The following RAPGEF4 variants were observed in gnomAD, a reference collection of about 807,000 sequenced individuals.
RAPGEF4 encodes Rap guanine nucleotide exchange factor 4, also known as RAP guanine-nucleotide-exchange factor (GEF) 4.
In RAPGEF4, 66 loss-of-function variants were observed where a neutral mutation model predicts 147.9. That is an observed-to-expected ratio of 0.45 (90% CI 0.37 to 0.55). The LOEUF (loss-of-function observed/expected upper bound fraction) is 0.55, where lower values mean the gene tolerates loss of function less well. Ranked by LOEUF, RAPGEF4 falls within the 20% of genes least tolerant of loss-of-function variation. The probability of loss-of-function intolerance (pLI) is 0.00; values close to 1 mark genes in which losing one functional copy is unlikely to be tolerated. For synonymous variants in RAPGEF4, 419 were observed against 442.7 expected (o/e 0.95, Z 0.67); for missense variants, 1,071 against 1,257.3 (o/e 0.85, Z 2.24).
intron 1 of RAPGEF4, among the ~76,000 whole-genome samples, chr2:172,738,105 ATTTTT>A: frequency 6.6e-6 from 1 of 151,736 alleles, no homozygotes; most frequent in South Asian, 2.1e-4. Context: ...TTATTTATTT[ATTTTT>A]TTTAGGAAAG....
intron 6 of RAPGEF4, among the ~76,000 whole-genome samples, chr2:172,935,788 A>C (rs1686501529): frequency 6.6e-6 from 1 of 152,202 alleles, no homozygotes; most frequent in Non-Finnish European, 1.5e-5. Context: ...GTTTGATCTT[A>C]AGTCTTTTGA....
chr2:172,951,681 G>T (rs893111840), intron 6 of RAPGEF4, among the ~76,000 whole-genome samples: 2 of 152,198 alleles, frequency 1.3e-5, no homozygotes, highest in African/African-American at 2.4e-5. Context: ...CCAGGCAAAA[G>T]GAAGAGAGGG....
At chr2:173,023,973 A>G (rs1190033306) in intron 23 of RAPGEF4, among the ~76,000 whole-genome samples, 13 of 152,176 alleles carry the variant, frequency 8.5e-5, no homozygotes, top group Non-Finnish European at 1.3e-4. Context: ...AGCTTCCCCA[A>G]CTTTTTTTAC....
At chr2:172,810,851 C>G (rs1687955134) in intron 3 of RAPGEF4, among the ~76,000 whole-genome samples, 1 of 152,174 alleles carries the variant, frequency 6.6e-6, no homozygotes, top group South Asian at 2.1e-4. Flanking sequence ...CAATTTAGGA[C>G]CCACGGCCAT....
chr2:172,956,715 C>T (rs1197877396), intron 6 of RAPGEF4, among the ~76,000 whole-genome samples: 1 of 152,138 alleles, frequency 6.6e-6, no homozygotes, highest in East Asian at 1.9e-4. Context: ...CGTGATCTGC[C>T]CGCCTCAGCC....
chr2:172,996,551 A>G lies in RAPGEF4; in HGVS notation c.1576A>G (p.Thr526Ala). The stretch of plus-strand genomic sequence containing the variant: ...CCTTGAGGCAACTTTAAATGAAGCA[A>G]CAGGTATACACATAGAACCGTTTGC... Reference protein sequence around the residue: ...IRLEATLNEATDSVLNDFIMM... With the variant: ...IRLEATLNEAADSVLNDFIMM... The change falls in exon 16 of 31, where the codon ACA becomes GCA. Residue 526 changes from threonine (T) to alanine (A), a missense_variant. Transcript: ENST00000397081. 2 of 1,556,736 alleles carry G rather than the reference A, an allele frequency of 1.3e-6. No individual in the cohort carries two copies. The highest frequency in any genetic ancestry group is 1.7e-6 in the Non-Finnish European group (2 of 1,153,674).
At chr2:172,992,506 G>T (rs1460254118) in intron 15 of RAPGEF4, among the ~76,000 whole-genome samples, 1 of 152,184 alleles carries the variant, frequency 6.6e-6, no homozygotes. Flanking sequence ...CCTTAACCTA[G>T]AAACATCTGA....
At chr2:172,802,233 G>C (rs1687053071) in intron 3 of RAPGEF4, among the ~76,000 whole-genome samples, 1 of 152,164 alleles carries the variant, frequency 6.6e-6, no homozygotes, top group Non-Finnish European at 1.5e-5. Context: ...TATTAGGTAT[G>C]TATATTAGTC....
At chr2:172,965,365 T>A (rs1689717678) in intron 8 of RAPGEF4, 197 bp from the exon 9 acceptor site, 1 of 658,744 alleles carries the variant, frequency 1.5e-6, no homozygotes, top group Non-Finnish European at 2.7e-6. Context: ...AGTTCTCTCA[T>A]GAGCTGAGTG....
At chr2:172,765,173 G>A (rs929650492) in intron 1 of RAPGEF4, among the ~76,000 whole-genome samples, 6 of 152,104 alleles carry the variant, frequency 3.9e-5, no homozygotes, top group South Asian at 2.1e-4. Flanking sequence ...TCTTGCCTCC[G>A]TGTCTGTTTC....
intron 1 of RAPGEF4, among the ~76,000 whole-genome samples, chr2:172,746,005 G>A (rs1434809199): frequency 1.3e-5 from 2 of 152,172 alleles, no homozygotes; most frequent in Non-Finnish European, 2.9e-5. Context: ...AGGAAAGATT[G>A]TAGTATATTT....
chr2:172,955,825 G>A (rs1466591950), intron 6 of RAPGEF4, among the ~76,000 whole-genome samples: 1 of 152,012 alleles, frequency 6.6e-6, no homozygotes, highest in Non-Finnish European at 1.5e-5. Context: ...CGAGTGAGAG[G>A]GCTGGGTGGC....
intron 17 of RAPGEF4, among the ~76,000 whole-genome samples, chr2:173,004,920 CT>C (rs2105825580): frequency 6.6e-6 from 1 of 151,902 alleles, no homozygotes; most frequent in East Asian, 1.9e-4. Context: ...ACTGCATCAT[CT>C]TTTTTTTCTT....
At chr2:172,896,286 T>A (rs1461268258) in intron 4 of RAPGEF4, among the ~76,000 whole-genome samples, 2 of 152,204 alleles carry the variant, frequency 1.3e-5, no homozygotes, top group Non-Finnish European at 2.9e-5. Context: ...AGAAGATTTA[T>A]TTTAATCGGC....
chr2:172,764,504 G>A (rs1696645697), intron 1 of RAPGEF4, among the ~76,000 whole-genome samples: 1 of 152,222 alleles, frequency 6.6e-6, no homozygotes, highest in South Asian at 2.1e-4. Context: ...TCGAAGGAGT[G>A]TAGGTGAGAT....
chr2:173,018,828 G>T (rs1179145364), intron 22 of RAPGEF4, 26 bp downstream of exon 22: 1 of 1,606,458 alleles, frequency 6.2e-7, no homozygotes, highest in Non-Finnish European at 8.5e-7. Context: ...CATATTTTAG[G>T]CTCTGCAAAA....
At chr2:172,883,426 T>A (rs937631325) in intron 4 of RAPGEF4, among the ~76,000 whole-genome samples, 12 of 152,140 alleles carry the variant, frequency 7.9e-5, no homozygotes, top group African/African-American at 2.9e-4. Flanking sequence ...ACACCTCCCA[T>A]TAGGCCCCAC....
rs767574167 is a variant in RAPGEF4, at chr2:173,033,905, C to T, written c.2650-9C>T. On this transcript the variant is annotated splice_polypyrimidine_tract_variant and intron_variant, in intron 26 of 30. Coordinates refer to ENST00000397081, the MANE Select transcript of RAPGEF4 (RefSeq NM_007023.4). ...ACATATGCGTGTGGCATTTTCATTTCATTAACAGAAACTGCCAAGCAAGTT... is the reference window on the plus strand; with the variant it reads ...ACATATGCGTGTGGCATTTTCATTTTATTAACAGAAACTGCCAAGCAAGTT... 23 of 1,611,332 alleles carry T rather than the reference C, an allele frequency of 1.4e-5. No homozygotes were observed. Among genetic ancestry groups the T allele is most frequent in the Non-Finnish European group, 1.9e-5 (22 of 1,179,152 alleles).
At chr2:172,847,702 T>C (rs1327065587) in intron 4 of RAPGEF4, among the ~76,000 whole-genome samples, 2 of 152,198 alleles carry the variant, frequency 1.3e-5, no homozygotes, top group Admixed American at 6.5e-5. Flanking sequence ...CATTACCTTA[T>C]TGGGACAAAA....
Sources: gnomAD v4.1 joint callset for allele counts (sites outside exome capture counted in the v4.1 genomes callset) on GRCh38, gnomAD v4.1.1 for gene constraint, MANE v1.5 for transcripts, NCBI Gene and HGNC (gene_info 2026-07-23, HGNC 2026-07-21) for gene names.